The following KAT2A variants were observed in gnomAD, a reference collection of about 807,000 sequenced individuals.
The protein encoded by KAT2A is lysine acetyltransferase 2A.
A neutral mutation model predicts 95.2 loss-of-function variants in KAT2A; 42 were observed. The observed-to-expected ratio is 0.44, with a 90% CI of 0.34 to 0.57. The LOEUF (loss-of-function observed/expected upper bound fraction) is 0.57. Among genes scored for constraint, KAT2A ranks in the 20% least tolerant of loss-of-function variants. The pLI, the probability that KAT2A is intolerant of heterozygous loss-of-function variation, is 0.01. For synonymous variants in KAT2A, 449 were observed against 448.2 expected (o/e 1.00, Z -0.02); for missense variants, 784 against 1,126.3 (o/e 0.70, Z 4.35).
At chr17:42,120,550 T>A (rs2054321268) in intron 2 of KAT2A, among the ~76,000 whole-genome samples, 156 bp downstream of exon 2, 1 of 152,128 alleles carries the variant, frequency 6.6e-6, no homozygotes, top group South Asian at 2.1e-4. Flanking sequence ...GCTGAGAGAT[T>A]TCCTTTCTCC....
In KAT2A at chr17:42,115,774, G is replaced by T. The variant is rs1415062943; in HGVS notation, c.1824C>A (p.Leu608=). The change falls in exon 12 of 18, where the codon CTC becomes CTA. Residue 608 remains leucine, a synonymous_variant. Coordinates refer to ENST00000225916, the MANE Select transcript of KAT2A (RefSeq NM_021078.3). The part of the protein sequence containing the change: ...LKEYHIKHNI[L]YFLTYADEYA... The stretch of plus-strand genomic sequence containing the variant: ...ACTCGTCGGCGTAGGTGAGGAAGTA[G>T]AGAATGTTGTGCTTGATGTGATACT... 1.9e-6 allele frequency: 3 copies of T among 1,613,952 alleles called. No homozygotes were observed. Among genetic ancestry groups the T allele is most frequent in the Admixed American group, 3.3e-5 (2 of 60,008 alleles).
rs930339520 is a variant in KAT2A at position 42,113,462 on chromosome 17, C to G, written c.*187G>C. 1 of 544,982 alleles carries G rather than the reference C, an allele frequency of 1.8e-6. No individual in the cohort carries two copies. The allele number at this position is 544,982 out of a possible 1,614,324, so 33.8% of individuals were successfully genotyped here. A position where few individuals can be genotyped will look rare whatever the true frequency, so the allele number is the denominator to read the frequency against. On this transcript the variant is annotated 3_prime_UTR_variant, in exon 18 of 18. Coordinates refer to ENST00000225916, the MANE Select transcript of KAT2A (RefSeq NM_021078.3). ...GGAGACCTCTCACACACAGTGAAGG[C>G]TGGGACAGAGCTGCACGCTTGGGGG...
Position 42,119,450 on chromosome 17 carries a change from T to A in KAT2A, c.882-14A>T. 2 of 1,599,100 alleles carry A rather than the reference T, an allele frequency of 1.3e-6. No individual in the cohort carries two copies. The highest frequency in any genetic ancestry group is 2.7e-5 in the African/African-American group (2 of 74,440). On this transcript the variant is annotated splice_polypyrimidine_tract_variant and intron_variant, in intron 5 of 17. Transcript: ENST00000225916. This position sits in a 1 kb window ranked among gnomAD's most constrained non-coding sequence, Gnocchi z 5.3. ...TAACAGAGCCATCTGGAGTAGGGGG[T>A]CGAGGGGGAGACAGGTGAGGGCGGA...
chr17:42,113,720 A>G lies in KAT2A; in HGVS notation c.2443T>C (p.Cys815Arg). Reference protein sequence around the residue: ...REYNPPDSEYCRCASALEKFF... With the variant: ...REYNPPDSEYRRCASALEKFF... The stretch of plus-strand genomic sequence containing the variant: ...TTCTCCAGGGCGCTGGCACAGCGGC[A>G]GTACTCGCTGTCCGGGGGGTTGTAC... The change falls in exon 18 of 18, where the codon TGC becomes CGC. Residue 815 changes from cysteine (C) to arginine (R), a missense_variant. Physicochemically the swap from Cys to Arg is radical, Grantham distance 180. Coordinates refer to ENST00000225916, the MANE Select transcript of KAT2A (RefSeq NM_021078.3). 1 of 1,611,810 alleles carries G rather than the reference A, an allele frequency of 6.2e-7. No individual in the cohort carries two copies. The highest frequency in any genetic ancestry group is 8.5e-7 in the Non-Finnish European group (1 of 1,179,252).
Position 42,120,700 on chromosome 17 carries a change from C to T in KAT2A, c.463+6G>A, listed in dbSNP as rs1555667110. Reference sequence around the variant, plus strand: ...CCCCCAGCTCCAAGGGCGCTGCCTGCCTTACCCAAGGGGTGCTCACAACTG... The same window carrying T: ...CCCCCAGCTCCAAGGGCGCTGCCTGTCTTACCCAAGGGGTGCTCACAACTG... On this transcript the variant is annotated splice_donor_region_variant and intron_variant, in intron 2 of 17. Coordinates refer to ENST00000225916, the MANE Select transcript of KAT2A (RefSeq NM_021078.3). 1 of 1,613,992 alleles carries T rather than the reference C, an allele frequency of 6.2e-7. No homozygotes were observed. Among genetic ancestry groups the T allele is most frequent in the Admixed American group, 1.7e-5 (1 of 60,018 alleles).
chr17:42,119,156 C>T lies in KAT2A; in HGVS notation c.1073+89G>A. ...AAGGCCCATGGAGGGAGAGGAGGGA[C>T]CAATCCAGGAAGCCTTCCTGGAAAA... On this transcript the variant is annotated intron_variant, in intron 6 of 17. Transcript: ENST00000225916. The surrounding 1 kb of genome is among the most constrained non-coding windows in gnomAD (Gnocchi z 5.3). 1 of 1,520,636 alleles carries T rather than the reference C, an allele frequency of 6.6e-7. No individual in the cohort carries two copies. The allele number at this position is 1,520,636 out of a possible 1,614,324, so 94.2% of individuals were successfully genotyped here. A position where few individuals can be genotyped will look rare whatever the true frequency, so the allele number is the denominator to read the frequency against.
rs781889061 is a variant in KAT2A, at chr17:42,113,851, G to C, written c.2321-9C>G. 8.3e-6 allele frequency: 13 copies of C among 1,568,296 alleles called. No homozygotes were observed. Among genetic ancestry groups the C allele is most frequent in the Non-Finnish European group, 1.1e-5 (13 of 1,160,068 alleles). ...AGTCATGGTCTTCAGGTCTGGGGCAGCAGGAGACGGAGCACAGCTTTAAGA... is the reference window on the plus strand; with the variant it reads ...AGTCATGGTCTTCAGGTCTGGGGCACCAGGAGACGGAGCACAGCTTTAAGA... On this transcript the variant is annotated splice_polypyrimidine_tract_variant and intron_variant, in intron 17 of 17. Coordinates refer to ENST00000225916, the MANE Select transcript of KAT2A (RefSeq NM_021078.3).
rs1213165135 is a variant in KAT2A, at chr17:42,120,932, AGCCCCGCCCCTTCACCCCAG to A, written c.339+14_339+33del. ...CCCACCAGAGCCCTGGGATGCCCCAAGCCCCGCCCCTTCACCCCAGGCCCCGCCCCCACCTTGCAAGCCGA... is the reference window on the plus strand; with the variant it reads ...CCCACCAGAGCCCTGGGATGCCCCAAGCCCCGCCCCCACCTTGCAAGCCGA... On this transcript the variant is annotated intron_variant, in intron 1 of 17. Coordinates refer to ENST00000225916, the MANE Select transcript of KAT2A (RefSeq NM_021078.3). 4.5e-6 allele frequency: 7 copies of A among 1,554,076 alleles called. No individual in the cohort carries two copies. The African/African-American group carries it at 8.2e-5, about 18-fold the overall frequency.
At chr17:42,116,375 T>C (rs1568010653) in intron 11 of KAT2A, among the ~76,000 whole-genome samples, 1 of 152,158 alleles carries the variant, frequency 6.6e-6, no homozygotes, top group Non-Finnish European at 1.5e-5. Context: ...AGTGGGTCTG[T>C]TGTAACAAAG....
intron 7 of KAT2A, 62 bp downstream of exon 7, chr17:42,118,235 C>T: frequency 2.3e-6 from 3 of 1,321,052 alleles, no homozygotes; most frequent in Non-Finnish European, 2.2e-6. Flanking sequence ...CTCTCTTCCA[C>T]CCAGGAGGCT....
chr17:42,116,254 G>C (rs1286374544), intron 11 of KAT2A, among the ~76,000 whole-genome samples: 1 of 152,204 alleles, frequency 6.6e-6, no homozygotes, highest in East Asian at 1.9e-4. Context: ...AGAAGCGGGA[G>C]AGGGAGTCAC....
At position 42,120,903 on chromosome 17, in the gene KAT2A, C is replaced by T. The variant is rs2054327029; in HGVS notation, c.339+63G>A. The T allele has an allele frequency of 2.6e-5, 41 of 1,557,424 alleles. 2 individuals are homozygous for T. In the South Asian group the frequency reaches 3.4e-4, roughly 13 times the overall value. On this transcript the variant is annotated intron_variant, in intron 1 of 17. Coordinates refer to ENST00000225916, the MANE Select transcript of KAT2A (RefSeq NM_021078.3). Reference sequence around the variant, plus strand: ...CGCTCCGCAGCCAGAGCTTTGACCCCATTCCCACCAGAGCCCTGGGATGCC... The same window carrying T: ...CGCTCCGCAGCCAGAGCTTTGACCCTATTCCCACCAGAGCCCTGGGATGCC...
At position 42,114,133 on chromosome 17, in the gene KAT2A, C is replaced by T; in HGVS notation, c.2236-49G>A. On this transcript the variant is annotated intron_variant, in intron 16 of 17. Transcript: ENST00000225916. This position sits in a 1 kb window ranked among gnomAD's most constrained non-coding sequence, Gnocchi z 6.0. ...GACAGCCCTGCTGCGCCCACGCCAGCCCGAGACCACTACCCACCCCACACT... is the reference window on the plus strand; with the variant it reads ...GACAGCCCTGCTGCGCCCACGCCAGTCCGAGACCACTACCCACCCCACACT... 6.4e-7 allele frequency: 1 copy of T among 1,573,676 alleles called. No homozygotes were observed. Among genetic ancestry groups the T allele is most frequent in the East Asian group, 2.3e-5 (1 of 44,348 alleles).
At chr17:42,115,629 C>T (rs1004150090) in intron 12 of KAT2A, 94 bp downstream of exon 12, 12 of 801,746 alleles carry the variant, frequency 1.5e-5, no homozygotes, top group East Asian at 4.9e-5. Context: ...AAGTAGGGGA[C>T]GCAAAGGGAC....
At chr17:42,120,874 G>C in intron 1 of KAT2A, 45 bp from the exon 2 acceptor site, 1 of 1,579,428 alleles carries the variant, frequency 6.3e-7, no homozygotes, top group Non-Finnish European at 8.6e-7. Context: ...TCTGGGGCAA[G>C]AGCCGCTCCG....
chr17:42,114,602 G>A lies in KAT2A; in HGVS notation c.2022C>T (p.Ile674=), dbSNP rs2054227089. 1.9e-6 allele frequency: 3 copies of A among 1,612,916 alleles called. No homozygotes were observed. Among genetic ancestry groups the A allele is most frequent in the African/African-American group, 1.3e-5 (1 of 74,990 alleles). The change falls in exon 14 of 18, where the codon ATC becomes ATT. Residue 674 remains isoleucine, a splice_region_variant and synonymous_variant. Coordinates refer to ENST00000225916, the MANE Select transcript of KAT2A (RefSeq NM_021078.3). The surrounding 1 kb of genome is among the most constrained non-coding windows in gnomAD (Gnocchi z 6.0). ...LSHIIKKQKE[I]IKKLIERKQA... is the part of the protein sequence containing the mutation. ...GTTTGCGCTCAATCAGCTTCTTGATGATCTGAGGGAAGGAAGGGACTGAGG... is the reference window on the plus strand; with the variant it reads ...GTTTGCGCTCAATCAGCTTCTTGATAATCTGAGGGAAGGAAGGGACTGAGG...
chr17:42,118,145 G>A (rs2054288817), intron 7 of KAT2A, 128 bp from the exon 8 acceptor site: 1 of 765,900 alleles, frequency 1.3e-6, no homozygotes, highest in Admixed American at 2.5e-5. Context: ...TGAGGAGAGA[G>A]AGAGAGAAGG....
At position 42,114,685 on chromosome 17, in the gene KAT2A, G is replaced by A; in HGVS notation, c.2020-81C>T. On this transcript the variant is annotated intron_variant, in intron 13 of 17. Coordinates refer to ENST00000225916, the MANE Select transcript of KAT2A (RefSeq NM_021078.3). This position sits in a 1 kb window ranked among gnomAD's most constrained non-coding sequence, Gnocchi z 6.0. ...AGGGCCACAGTCGGAGCCACTGGCTGCACCCACCCAGCTGCAACGCCACCT... is the reference window on the plus strand; with the variant it reads ...AGGGCCACAGTCGGAGCCACTGGCTACACCCACCCAGCTGCAACGCCACCT... 7.5e-7 allele frequency: 1 copy of A among 1,331,918 alleles called. No homozygotes were observed. The highest frequency in any genetic ancestry group is 1.1e-6 in the Non-Finnish European group (1 of 940,840). The allele number at this position is 1,331,918 out of a possible 1,614,324, so 82.5% of individuals were successfully genotyped here. A position where few individuals can be genotyped will look rare whatever the true frequency, so the allele number is the denominator to read the frequency against.
intron 11 of KAT2A, 142 bp downstream of exon 11, chr17:42,116,893 A>T: frequency 2.9e-6 from 3 of 1,017,472 alleles, no homozygotes; most frequent in Non-Finnish European, 4.4e-6. Flanking sequence ...TACGGCTGCC[A>T]CCTTGTGGGG....
Sources: gnomAD v4.1 joint callset for allele counts (sites outside exome capture counted in the v4.1 genomes callset) on GRCh38, gnomAD v4.1.1 for gene constraint, Gnocchi (gnomAD v3.1) non-coding constraint, MANE v1.5 for transcripts, NCBI Gene and HGNC (gene_info 2026-07-23, HGNC 2026-07-21) for gene names.